The following NCAM2 variants were observed in gnomAD, a reference collection of about 807,000 sequenced individuals.
NCAM2 encodes the protein N-CAM-2.
A neutral mutation model predicts 98.1 loss-of-function variants in NCAM2; 30 were observed. That is an observed-to-expected ratio of 0.31 (90% CI 0.23 to 0.41). The LOEUF is 0.41. Ranked by LOEUF, NCAM2 falls within the 10% of genes least tolerant of loss-of-function variation. The pLI, the probability that NCAM2 is intolerant of heterozygous loss-of-function variation, is 1.00. For synonymous variants in NCAM2, 368 were observed against 342.4 expected (o/e 1.07, Z -0.83); for missense variants, 867 against 1,005.8 (o/e 0.86, Z 1.87).
intron 12 of NCAM2, 87 bp downstream of exon 12, chr21:21,432,368 ATTTTC>A: frequency 8.2e-7 from 1 of 1,218,238 alleles, no homozygotes; most frequent in Non-Finnish European, 1.1e-6. Flanking sequence ...TTCCTCCAAC[ATTTTC>A]TTTTCTTTTA....
chr21:21,050,148 A>G (rs1405208469), intron 1 of NCAM2, among the ~76,000 whole-genome samples: 2 of 151,406 alleles, frequency 1.3e-5, no homozygotes, highest in Non-Finnish European at 1.5e-5. Flanking sequence ...AAAAAAAAAA[A>G]GGTTTTTCTC....
chr21:21,366,239 G>A (rs931419606), intron 8 of NCAM2, among the ~76,000 whole-genome samples: 3 of 151,854 alleles, frequency 2.0e-5, no homozygotes, highest in South Asian at 2.1e-4. Flanking sequence ...GTTATTATAC[G>A]TCACATATTG....
intron 1 of NCAM2, among the ~76,000 whole-genome samples, chr21:21,214,960 T>C (rs1358501285): frequency 1.3e-5 from 2 of 151,856 alleles, no homozygotes; most frequent in Non-Finnish European, 2.9e-5. Context: ...AAAGTAGTAC[T>C]GAAAGAAACT....
chr21:21,098,177 T>G (rs982666693), intron 1 of NCAM2, among the ~76,000 whole-genome samples: 12 of 151,382 alleles, frequency 7.9e-5, no homozygotes, highest in African/African-American at 2.9e-4. Context: ...TAATTATTAT[T>G]GGATGAATAC....
At chr21:21,473,373 A>ATAT (rs1984715057) in intron 14 of NCAM2, among the ~76,000 whole-genome samples, 2 of 140,502 alleles carry the variant, frequency 1.4e-5, no homozygotes, top group African/African-American at 5.2e-5. Context: ...TATATGTATA[A>ATAT]ATATATATAT....
At chr21:21,431,123 T>TTGTGTGTGTGTGTGGG (rs2077332675) in intron 11 of NCAM2, among the ~76,000 whole-genome samples, 1 of 141,172 alleles carries the variant, frequency 7.1e-6, no homozygotes, top group African/African-American at 2.6e-5. Context: ...TAATATATGT[T>TTGTGTGTGTGTGTGGG]TGTGTGTGTG....
At chr21:21,181,931 G>T (rs1344002203) in intron 1 of NCAM2, among the ~76,000 whole-genome samples, 1 of 151,270 alleles carries the variant, frequency 6.6e-6, no homozygotes, top group African/African-American at 2.4e-5. Flanking sequence ...GGTGGCTTAT[G>T]CCTATAATCC....
At chr21:21,222,670 A>G (rs1010682254) in intron 1 of NCAM2, among the ~76,000 whole-genome samples, 2 of 152,180 alleles carry the variant, frequency 1.3e-5, no homozygotes, top group African/African-American at 4.8e-5. Flanking sequence ...TTTCCTTCCT[A>G]TGGATGAGCA....
chr21:21,271,843 A>G (rs889534498), intron 1 of NCAM2, among the ~76,000 whole-genome samples: 3 of 152,146 alleles, frequency 2.0e-5, no homozygotes, highest in African/African-American at 7.2e-5. Flanking sequence ...GTTCTAGTCA[A>G]TGAGAACACT....
intron 1 of NCAM2, among the ~76,000 whole-genome samples, chr21:21,234,170 A>G (rs1176683825): frequency 6.6e-6 from 1 of 151,798 alleles, no homozygotes; most frequent in East Asian, 1.9e-4. Flanking sequence ...TTTCTGCACT[A>G]TTTTATCTGT....
chr21:21,235,543 A>T (rs1034372468), intron 1 of NCAM2, among the ~76,000 whole-genome samples: 3 of 152,082 alleles, frequency 2.0e-5, no homozygotes, highest in Admixed American at 2.0e-4. Flanking sequence ...ATAAACTGAA[A>T]ACGCTATAGT....
At chr21:21,433,994 G>T (rs1166716549) in intron 12 of NCAM2, among the ~76,000 whole-genome samples, 2 of 152,084 alleles carry the variant, frequency 1.3e-5, no homozygotes, top group Admixed American at 6.6e-5. Flanking sequence ...CCAGGAAAAG[G>T]TTAATAGGCT....
At chr21:21,385,900 T>C (rs1311619802) in intron 9 of NCAM2, among the ~76,000 whole-genome samples, 2 of 152,174 alleles carry the variant, frequency 1.3e-5, no homozygotes, top group East Asian at 1.9e-4. Context: ...CTAAGAAATA[T>C]TAGAAATTTT....
chr21:21,514,483 A>C (rs71330164), intron 16 of NCAM2, among the ~76,000 whole-genome samples: 48,475 of 105,756 alleles, frequency 0.46, 8,599 homozygotes, highest in Middle Eastern at 0.6. Context: ...AAAAAAAAAA[A>C]AAAAAAAAAA....
intron 1 of NCAM2, among the ~76,000 whole-genome samples, chr21:21,208,850 AT>A (rs940052275): frequency 1.3e-5 from 2 of 152,096 alleles, no homozygotes; most frequent in African/African-American, 4.8e-5. Flanking sequence ...TCAACCTAAA[AT>A]TATCTTATAT....
intron 1 of NCAM2, among the ~76,000 whole-genome samples, chr21:21,144,279 G>T (rs2067228069): frequency 6.6e-6 from 1 of 151,816 alleles, no homozygotes. Flanking sequence ...AACCCAGGAG[G>T]TGGAGATTGC....
intron 9 of NCAM2, among the ~76,000 whole-genome samples, chr21:21,381,114 G>A (rs2076145092): frequency 6.6e-6 from 1 of 152,076 alleles, no homozygotes; most frequent in Non-Finnish European, 1.5e-5. Context: ...CCTTATAATT[G>A]GAGTGTTTAA....
chr21:21,468,019 C>A (rs1602428773), intron 13 of NCAM2, among the ~76,000 whole-genome samples: 1 of 151,872 alleles, frequency 6.6e-6, no homozygotes, highest in Non-Finnish European at 1.5e-5. Context: ...TTTGGTAGAT[C>A]CCTGTTCTAT....
intron 1 of NCAM2, among the ~76,000 whole-genome samples, chr21:21,161,377 C>T (rs1012970226): frequency 2.6e-5 from 4 of 151,806 alleles, no homozygotes; most frequent in Admixed American, 2.0e-4. Context: ...GTTCAATAAA[C>T]ACGAACTGTT....
Sources: allele counts gnomAD v4.1 joint callset (sites outside exome capture counted in the v4.1 genomes callset), GRCh38; gene constraint gnomAD v4.1.1; transcripts MANE v1.5; gene names NCBI Gene and HGNC (gene_info 2026-07-23, HGNC 2026-07-21).